Variants in PDE11A observed in about 807,000 individuals in gnomAD.
The protein encoded by PDE11A is phosphodiesterase 11A, also known as dual 3',5'-cyclic-AMP and -GMP phosphodiesterase 11A.
A neutral mutation model predicts 100.5 loss-of-function variants in PDE11A; 100 were observed. The observed-to-expected ratio is 1.00, with a 90% confidence interval of 0.85 to 1.18. PDE11A has a LOEUF of 1.18. PDE11A is among the 50% of genes most tolerant of loss of function. The pLI is 0.00. For missense variants in PDE11A, 1,141 were observed against 1,152.6 expected, an observed-to-expected ratio of 0.99 and a Z score of 0.15; for synonymous variants, 381 against 420.8, an observed-to-expected ratio of 0.91 and a Z score of 1.16.
At chr2:177,665,240 G>A (rs961674222) in intron 18 of PDE11A, among the ~76,000 whole-genome samples, 1 of 151,264 alleles carries the variant, frequency 6.6e-6, no homozygotes, top group African/African-American at 2.4e-5. Context: ...GAGAGGTTGG[G>A]GCAGGAGGAT....
intron 19 of PDE11A, among the ~76,000 whole-genome samples, chr2:177,631,311 C>CAA (rs1162577475): frequency 5.0e-4 from 19 of 38,250 alleles, no homozygotes; most frequent in Non-Finnish European, 9.9e-4. Flanking sequence ...AAAAAAAAAA[C>CAA]AAAAAAAAAA....
chr2:177,664,806 C>T (rs1544002), intron 18 of PDE11A, among the ~76,000 whole-genome samples: 106,312 of 152,004 alleles, frequency 0.7, 37,900 homozygotes, highest in Admixed American at 0.79. Context: ...AACTTGCCCT[C>T]CCTTAATGTT....
At chr2:177,891,483 C>A (rs930266666) in intron 4 of PDE11A, among the ~76,000 whole-genome samples, 2 of 152,144 alleles carry the variant, frequency 1.3e-5, no homozygotes, top group Non-Finnish European at 2.9e-5. Flanking sequence ...TTATTCTCAT[C>A]AGAATTGAAT....
chr2:178,019,538 C>T (rs1199013337), intron 1 of PDE11A, among the ~76,000 whole-genome samples: 1 of 151,716 alleles, frequency 6.6e-6, no homozygotes, highest in African/African-American at 2.4e-5. Flanking sequence ...TAAAAAAAGC[C>T]CAATGTAGTA....
intron 2 of PDE11A, among the ~76,000 whole-genome samples, chr2:177,964,909 A>G (rs2085679895): frequency 6.6e-6 from 1 of 152,198 alleles, no homozygotes; most frequent in African/African-American, 2.4e-5. Flanking sequence ...GCAGGGTCAA[A>G]TGATAGTTCT....
chr2:177,723,148 A>G (rs868474628), intron 12 of PDE11A: 4 of 152,164 alleles, frequency 2.6e-5, no homozygotes, highest in African/African-American at 7.2e-5. Flanking sequence ...CTACCTCAAA[A>G]ATCAAGGACT....
At chr2:177,742,757 C>T (rs957140828) in intron 10 of PDE11A, among the ~76,000 whole-genome samples, 4 of 152,202 alleles carry the variant, frequency 2.6e-5, no homozygotes, top group African/African-American at 9.6e-5. Flanking sequence ...TCTGAGAACA[C>T]TTTCCTCAGG....
chr2:177,686,969 G>A (rs569837343), intron 15 of PDE11A: 5 of 151,844 alleles, frequency 3.3e-5, no homozygotes, highest in East Asian at 1.9e-4. Context: ...CACTCACCTC[G>A]GCCTCCCAGA....
At chr2:177,939,989 A>AT (rs1412232531) in intron 2 of PDE11A, among the ~76,000 whole-genome samples, 2 of 152,108 alleles carry the variant, frequency 1.3e-5, no homozygotes, top group African/African-American at 2.4e-5. Flanking sequence ...TAGTTTTTCA[A>AT]TTTTTTTTAA....
intron 2 of PDE11A, among the ~76,000 whole-genome samples, chr2:178,086,872 A>C (rs1019533675): frequency 6.6e-6 from 1 of 152,192 alleles, no homozygotes; most frequent in African/African-American, 2.4e-5. Context: ...ACTTTGGAGA[A>C]GTTTCTGGGC....
At chr2:177,728,846 T>C (rs1422452528) in intron 10 of PDE11A, among the ~76,000 whole-genome samples, 4 of 152,132 alleles carry the variant, frequency 2.6e-5, no homozygotes, top group Non-Finnish European at 4.4e-5. Context: ...TGGTCATACA[T>C]ATTCAAGGTT....
intron 2 of PDE11A, among the ~76,000 whole-genome samples, chr2:177,915,108 C>A (rs2084933648): frequency 6.6e-6 from 1 of 152,102 alleles, no homozygotes; most frequent in Non-Finnish European, 1.5e-5. Flanking sequence ...TTCCCATAGA[C>A]CCTGCCCAAC....
intron 9 of PDE11A, among the ~76,000 whole-genome samples, chr2:177,795,355 GTC>G (rs1413531040): frequency 1.3e-5 from 2 of 152,206 alleles, no homozygotes; most frequent in African/African-American, 4.8e-5. Context: ...GGTTTCTCCA[GTC>G]TCTGCTCTGG....
chr2:178,091,329 C>T (rs1037616387), intron 2 of PDE11A, among the ~76,000 whole-genome samples: 1 of 152,186 alleles, frequency 6.6e-6, no homozygotes, highest in African/African-American at 2.4e-5. Context: ...CCTCGGCCTC[C>T]CAAAGTGCTG....
At chr2:177,783,703 G>T (rs1057145003) in intron 9 of PDE11A, among the ~76,000 whole-genome samples, 1 of 152,178 alleles carries the variant, frequency 6.6e-6, no homozygotes, top group East Asian at 1.9e-4. Context: ...CCACAAAAAC[G>T]CCTCTTATTG....
At chr2:177,766,498 T>C (rs925386375) in intron 10 of PDE11A, among the ~76,000 whole-genome samples, 2 of 152,224 alleles carry the variant, frequency 1.3e-5, no homozygotes, top group African/African-American at 4.8e-5. Context: ...GTTAAAAAAG[T>C]ACTGCAGGTA....
intron 15 of PDE11A, chr2:177,687,577 A>G (rs534568424): frequency 1.3e-5 from 2 of 152,318 alleles, no homozygotes; most frequent in East Asian, 3.9e-4. Context: ...CATTTCCTGG[A>G]AGATGAAAAT....
intron 1 of PDE11A, among the ~76,000 whole-genome samples, chr2:178,019,322 T>C (rs1177514804): frequency 6.6e-6 from 1 of 152,210 alleles, no homozygotes; most frequent in Non-Finnish European, 1.5e-5. Context: ...TTTGTAATTG[T>C]ATGAAAATAT....
chr2:177,657,068 A>C (rs917127784), intron 19 of PDE11A, among the ~76,000 whole-genome samples: 5 of 149,982 alleles, frequency 3.3e-5, no homozygotes, highest in Non-Finnish European at 5.9e-5. Context: ...ATTTCTTTTT[A>C]AAAAAACATC....
Sources: allele counts gnomAD v4.1 joint callset (sites outside exome capture counted in the v4.1 genomes callset), GRCh38; gene constraint gnomAD v4.1.1; transcripts MANE v1.5; gene names NCBI Gene and HGNC (gene_info 2026-07-23, HGNC 2026-07-21).